CENPP: variants seen among roughly 807,000 people sequenced by gnomAD.
The protein encoded by CENPP is centromere protein P.
Under a neutral mutation model 35.6 loss-of-function variants are expected in CENPP, and 24 were observed. That is an observed-to-expected ratio of 0.67 (90% CI 0.49 to 0.95). The LOEUF is 0.95. CENPP is among the 40% of genes least tolerant of loss of function. The pLI, the probability that CENPP is intolerant of heterozygous loss-of-function variation, is 0.00. For missense variants in CENPP, 332 were observed against 345.3 expected, an observed-to-expected ratio of 0.96 and a Z score of 0.31; for synonymous variants, 120 against 125.5, an observed-to-expected ratio of 0.96 and a Z score of 0.29.
chr9:92,384,155 G>A (rs961389720), intron 5 of CENPP: 1 of 152,146 alleles, frequency 6.6e-6, no homozygotes, highest in African/African-American at 2.4e-5. Context: ...GTGATCATTA[G>A]TTATCAAAAT....
intron 1 of CENPP, among the ~76,000 whole-genome samples, chr9:92,326,749 T>C (rs1177715406): frequency 6.6e-6 from 1 of 152,302 alleles, no homozygotes; most frequent in African/African-American, 2.4e-5. Flanking sequence ...TTTTGGTTTA[T>C]TGAAGGAGAG....
intron 5 of CENPP, among the ~76,000 whole-genome samples, chr9:92,388,166 C>CT (rs1000070619): frequency 1.4e-3 from 212 of 150,864 alleles, no homozygotes; most frequent in African/African-American, 4.6e-3. Flanking sequence ...TGATCAGCTC[C>CT]TTTTTTTTTG....
intron 5 of CENPP, chr9:92,474,596 T>C (rs762740047): frequency 6.3e-7 from 1 of 1,589,508 alleles, no homozygotes; most frequent in Non-Finnish European, 8.5e-7. Flanking sequence ...TTACTATTCT[T>C]CAAAACAAAA....
intron 5 of CENPP, among the ~76,000 whole-genome samples, chr9:92,564,972 C>A (rs1211045004): frequency 6.6e-6 from 1 of 152,074 alleles, no homozygotes; most frequent in East Asian, 1.9e-4. Flanking sequence ...CATGGGTATT[C>A]ATTTGTAGTG....
intron 4 of CENPP, among the ~76,000 whole-genome samples, chr9:92,348,564 G>A (rs960631381): frequency 5.3e-5 from 8 of 151,932 alleles, no homozygotes; most frequent in East Asian, 1.9e-4. Flanking sequence ...GGCTAATTTT[G>A]TATTTTTAGT....
chr9:92,554,659 A>G (rs886942435), intron 5 of CENPP, among the ~76,000 whole-genome samples: 1 of 151,282 alleles, frequency 6.6e-6, no homozygotes, highest in Admixed American at 6.6e-5. Flanking sequence ...TTTTTCCGAG[A>G]TGGAGTCTTG....
rs76627069 is a variant in CENPP, at chr9:92,492,458, G to A, written c.564+112599G>A. Among the ~76,000 whole-genome samples, 722 of 152,314 alleles carry A rather than the reference G, an allele frequency of 4.7e-3. 4 individuals are homozygous for A. The highest frequency in any genetic ancestry group is 0.015 in the African/African-American group (623 of 41,564). On this transcript the variant is annotated intron_variant, in intron 5 of 7. Transcript: ENST00000375587. ...GTGCATATTTCAACTGTACAACATTGTGGGTAGTTTCTTTGTGTTTTAATG... is the reference window on the plus strand; with the variant it reads ...GTGCATATTTCAACTGTACAACATTATGGGTAGTTTCTTTGTGTTTTAATG...
At position 92,415,885 on chromosome 9, in the gene CENPP, TC is replaced by T. The variant is rs1436931317; in HGVS notation, c.564+36027del. On this transcript the variant is annotated intron_variant, in intron 5 of 7. Transcript: ENST00000375587. The stretch of plus-strand genomic sequence containing the variant: ...TAAAATTATATATTTCTTCTTTTTT[TC>T]TTTTTTTTTTTCCTGTTGCAAGGAG... Among the ~76,000 whole-genome samples, 4 of 146,060 alleles carry T rather than the reference TC, an allele frequency of 2.7e-5. No homozygotes were observed. The East Asian group carries it at 7.8e-4, about 28-fold the overall frequency.
At chr9:92,462,405 C>A (rs1476956483) in intron 5 of CENPP, among the ~76,000 whole-genome samples, 1 of 152,208 alleles carries the variant, frequency 6.6e-6, no homozygotes, top group African/African-American at 2.4e-5. Context: ...CCCCCACTCT[C>A]CCCAAATGAA....
chr9:92,504,248 A>G (rs1466051532), intron 5 of CENPP, among the ~76,000 whole-genome samples: 1 of 152,216 alleles, frequency 6.6e-6, no homozygotes, highest in East Asian at 1.9e-4. Context: ...GGAGATTCTG[A>G]TGGAAAGCCA....
At chr9:92,411,742 G>A (rs1343871908) in intron 5 of CENPP, among the ~76,000 whole-genome samples, 1 of 152,170 alleles carries the variant, frequency 6.6e-6, no homozygotes, top group African/African-American at 2.4e-5. Context: ...CTCTTAAACT[G>A]TGCAAGAAGT....
intron 5 of CENPP, among the ~76,000 whole-genome samples, chr9:92,570,508 A>G (rs568622175): frequency 9.2e-5 from 14 of 152,310 alleles, no homozygotes; most frequent in East Asian, 5.8e-4. Context: ...TTTTGCATCA[A>G]TGTTCATCAG....
chr9:92,513,570 C>T lies in CENPP; in HGVS notation c.565-97744C>T, dbSNP rs578198786. Among the ~76,000 whole-genome samples, 6 of 152,308 alleles carry T rather than the reference C, an allele frequency of 3.9e-5. No individual in the cohort carries two copies. In the South Asian group the frequency reaches 1.2e-3, roughly 32 times the overall value. On this transcript the variant is annotated intron_variant, in intron 5 of 7. Coordinates refer to ENST00000375587, the MANE Select transcript of CENPP (RefSeq NM_001012267.3). ...CAGATGACGTTTAACTGATAGGAAA[C>T]CCTGCCCCATCCACATGATGGAACA...
intron 5 of CENPP, among the ~76,000 whole-genome samples, chr9:92,382,142 A>G (rs796802995): frequency 5.3e-5 from 8 of 152,148 alleles, no homozygotes; most frequent in African/African-American, 1.9e-4. Context: ...TCTTAAATAT[A>G]TGATTTCAAA....
chr9:92,572,065 A>T (rs905699932), intron 5 of CENPP, among the ~76,000 whole-genome samples: 7 of 152,090 alleles, frequency 4.6e-5, no homozygotes, highest in African/African-American at 1.7e-4. Context: ...GTGCCTTTTA[A>T]TTGGAGCATT....
chr9:92,440,920 T>A (rs1341296309), intron 5 of CENPP, among the ~76,000 whole-genome samples: 1 of 152,178 alleles, frequency 6.6e-6, no homozygotes, highest in South Asian at 2.1e-4. Context: ...AACTGCGACT[T>A]TAAGTGAAAT....
At chr9:92,563,670 A>T (rs1473152422) in intron 5 of CENPP, among the ~76,000 whole-genome samples, 1 of 152,130 alleles carries the variant, frequency 6.6e-6, no homozygotes, top group Non-Finnish European at 1.5e-5. Flanking sequence ...TTTGTTTTTT[A>T]CCAAAAGAAT....
chr9:92,417,158 T>C (rs1301016087), intron 5 of CENPP: 1 of 1,613,862 alleles, frequency 6.2e-7, no homozygotes, highest in South Asian at 1.1e-5. Flanking sequence ...AAACACACCA[T>C]AATCAATCTT....
rs1418226993 is a variant in CENPP, at chr9:92,417,597, C to T, written c.564+37738C>T. Reference sequence around the variant, plus strand: ...TTCCTATTGCAAGGAGAAAAGGAAACATTGTGGAGAAAGTGAGTAAACTCA... The same window carrying T: ...TTCCTATTGCAAGGAGAAAAGGAAATATTGTGGAGAAAGTGAGTAAACTCA... On this transcript the variant is annotated intron_variant, in intron 5 of 7. Transcript: ENST00000375587. The T allele has an allele frequency of 5.4e-6, 7 of 1,288,276 alleles. No individual in the cohort carries two copies. In the South Asian group the frequency reaches 5.7e-5, roughly 11 times the overall value. 79.8% of individuals were successfully genotyped at this position (1,288,276 alleles called of 1,614,324 possible).
Sources: allele counts gnomAD v4.1 joint callset (sites outside exome capture counted in the v4.1 genomes callset), GRCh38; gene constraint gnomAD v4.1.1; transcripts MANE v1.5; gene names NCBI Gene and HGNC (gene_info 2026-07-23, HGNC 2026-07-21).